GLYATL2: variants seen among roughly 807,000 people sequenced by gnomAD.
GLYATL2 encodes the protein glycine-N-acyltransferase like 2, also known as glycine N-acyltransferase-like protein 2.
GLYATL2 carries 25 observed loss-of-function variants against 21.4 expected under a neutral mutation model. That is an observed-to-expected ratio of 1.17 (90% CI 0.85 to 1.63). The LOEUF (loss-of-function observed/expected upper bound fraction) is 1.63. GLYATL2 is among the 40% of genes most tolerant of loss of function. The probability of loss-of-function intolerance (pLI) is 0.00; values close to 1 mark genes in which losing one functional copy is unlikely to be tolerated. For missense variants in GLYATL2, 361 were observed against 343.3 expected (o/e 1.05, Z -0.41); for synonymous variants, 114 against 118.2 (o/e 0.96, Z 0.23).
chr11:58,898,915 C>T (rs1854683786), intron 1 of GLYATL2, among the ~76,000 whole-genome samples: 1 of 152,106 alleles, frequency 6.6e-6, no homozygotes, highest in South Asian at 2.1e-4. Flanking sequence ...ACTTTCAAAA[C>T]CACAAATATA....
upstream of GLYATL2, among the ~76,000 whole-genome samples, chr11:58,849,425 A>G (rs1206411971): frequency 6.6e-6 from 1 of 152,128 alleles, no homozygotes; most frequent in Non-Finnish European, 1.5e-5. Flanking sequence ...TGGCCTATAT[A>G]TCAATAAATT....
At chr11:58,837,526 G>A in intron 3 of GLYATL2, 129 bp from the exon 4 acceptor site, 2 of 840,186 alleles carry the variant, frequency 2.4e-6, no homozygotes, top group South Asian at 3.5e-5. Context: ...GTAGAAAATG[G>A]CCTTGGAGTC....
chr11:58,858,195 A>G (rs1486582110), intron 1 of GLYATL2, among the ~76,000 whole-genome samples: 2 of 152,104 alleles, frequency 1.3e-5, no homozygotes, highest in Non-Finnish European at 2.9e-5. Flanking sequence ...GGGGGAAAAA[A>G]ACTCCACAAA....
intron 1 of GLYATL2, among the ~76,000 whole-genome samples, chr11:58,871,842 G>A (rs1209224146): frequency 6.6e-6 from 1 of 152,094 alleles, no homozygotes; most frequent in Non-Finnish European, 1.5e-5. Context: ...AGTTCTAGAT[G>A]CCTGAGGAAT....
chr11:58,840,223 T>A (rs1419805199), intron 1 of GLYATL2, among the ~76,000 whole-genome samples: 1 of 152,154 alleles, frequency 6.6e-6, no homozygotes, highest in African/African-American at 2.4e-5. Context: ...ATTGGCAAGA[T>A]CTAGGAATTG....
In GLYATL2 at chr11:58,890,414, C is replaced by T. The variant is rs567916390; in HGVS notation, n.60+13742G>A. Among the ~76,000 whole-genome samples, 206 of 152,148 alleles carry T rather than the reference C, an allele frequency of 1.4e-3. 2 individuals are homozygous for T. Among genetic ancestry groups the T allele is most frequent in the African/African-American group, 4.7e-3 (197 of 41,524 alleles). On this transcript the variant is annotated intron_variant and non_coding_transcript_variant, in intron 1 of 4. Coordinates refer to the GLYATL2 transcript ENST00000533636. Reference sequence around the variant, plus strand: ...GTTCACAATAGGAAAGAAATGAAATCAACCGAGGTGCCCATCAATAGTAGA... The same window carrying T: ...GTTCACAATAGGAAAGAAATGAAATTAACCGAGGTGCCCATCAATAGTAGA...
intron 1 of GLYATL2, chr11:58,878,313 G>A (rs1007821248): frequency 5.5e-6 from 3 of 547,988 alleles, no homozygotes; most frequent in Non-Finnish European, 5.9e-6. Flanking sequence ...GGAGCGCTAA[G>A]TGAACAAGGA....
chr11:58,875,645 C>T (rs987000514), intron 1 of GLYATL2, among the ~76,000 whole-genome samples: 1 of 152,208 alleles, frequency 6.6e-6, no homozygotes, highest in African/African-American at 2.4e-5. Context: ...TGTAGAGTTT[C>T]TGCCAAGAGA....
chr11:58,860,016 A>C (rs572029844), intron 1 of GLYATL2, among the ~76,000 whole-genome samples: 1 of 152,148 alleles, frequency 6.6e-6, no homozygotes, highest in African/African-American at 2.4e-5. Context: ...TTTCATTACT[A>C]TTGCTTCATA....
intron 1 of GLYATL2, among the ~76,000 whole-genome samples, chr11:58,875,909 C>A (rs920269849): frequency 6.6e-6 from 1 of 152,294 alleles, no homozygotes; most frequent in East Asian, 1.9e-4. Flanking sequence ...CCATTCTCCC[C>A]GTCACTTTCA....
intron 1 of GLYATL2, among the ~76,000 whole-genome samples, chr11:58,876,699 A>G (rs985708575): frequency 6.6e-6 from 1 of 152,056 alleles, no homozygotes; most frequent in African/African-American, 2.4e-5. Context: ...GTCCGCCCCT[A>G]CTGGGGGGTG....
chr11:58,901,370 T>C (rs1854737445), intron 1 of GLYATL2, among the ~76,000 whole-genome samples: 1 of 152,198 alleles, frequency 6.6e-6, no homozygotes, highest in Non-Finnish European at 1.5e-5. Context: ...GGTAGTTATG[T>C]TGATGTCCGG....
At chr11:58,854,635 C>T (rs1358802903) in intron 1 of GLYATL2, among the ~76,000 whole-genome samples, 2 of 152,100 alleles carry the variant, frequency 1.3e-5, no homozygotes, top group Non-Finnish European at 2.9e-5. Flanking sequence ...AAAAATAAGA[C>T]AACAAATAAG....
At chr11:58,874,104 T>C (rs78846417) in intron 1 of GLYATL2, among the ~76,000 whole-genome samples, 5,941 of 152,266 alleles carry the variant, frequency 0.039, 181 homozygotes, top group East Asian at 0.15. Context: ...TGATGGTAGT[T>C]TGTATTTCTG....
At chr11:58,884,680 G>A (rs1045666049) in intron 1 of GLYATL2, among the ~76,000 whole-genome samples, 1 of 152,078 alleles carries the variant, frequency 6.6e-6, no homozygotes, top group African/African-American at 2.4e-5. Flanking sequence ...AGGGAGGAAG[G>A]GCATGGGGTT....
At chr11:58,880,110 G>A (rs900452436) in intron 1 of GLYATL2, among the ~76,000 whole-genome samples, 1 of 152,012 alleles carries the variant, frequency 6.6e-6, no homozygotes, top group Admixed American at 6.5e-5. Context: ...CGCCCACCTC[G>A]GCCTCCCAAA....
intron 1 of GLYATL2, among the ~76,000 whole-genome samples, chr11:58,869,149 C>T (rs1854071742): frequency 6.6e-6 from 1 of 152,198 alleles, no homozygotes; most frequent in African/African-American, 2.4e-5. Context: ...ACTTTTGGGG[C>T]TTGACTGATG....
intron 1 of GLYATL2, among the ~76,000 whole-genome samples, chr11:58,897,211 G>T (rs1390913251): frequency 6.6e-6 from 1 of 152,150 alleles, no homozygotes; most frequent in South Asian, 2.1e-4. Context: ...ATGAAGAAGA[G>T]AAAGTAGGTT....
In GLYATL2 at chr11:58,842,476, CTGTGTGTGTGTG is replaced by C. The variant is rs34133004; in HGVS notation, c.-41+1946_-41+1957del. On this transcript the variant is annotated intron_variant, in intron 1 of 5. Transcript: ENST00000287275. ...AAATTGTCCCAGGATGAGTGAGACT[CTGTGTGTGTGTG>C]TGTGTGTGTGTGTGTGTGTGTGTGT... Among the ~76,000 whole-genome samples the C allele has an allele frequency of 1.2e-3, 163 of 134,850 alleles. 3 individuals carry two copies. The East Asian group carries it at 0.032, about 26-fold the overall frequency. 88.5% of individuals were successfully genotyped at this position (134,850 alleles called of 152,430 possible).
Sources: allele counts gnomAD v4.1 joint callset (sites outside exome capture counted in the v4.1 genomes callset), GRCh38; gene constraint gnomAD v4.1.1; transcripts MANE v1.5; gene names NCBI Gene and HGNC (gene_info 2026-07-23, HGNC 2026-07-21).